ADCY8: variants seen among roughly 807,000 people sequenced by gnomAD.
ADCY8 encodes the protein adenylate cyclase 8.
Under a neutral mutation model 119.7 loss-of-function variants are expected in ADCY8, and 51 were observed. The observed-to-expected ratio is 0.43, with a 90% CI of 0.34 to 0.54. The LOEUF is 0.54. Among genes scored for constraint, ADCY8 ranks in the 20% least tolerant of loss-of-function variants. The pLI is 0.03. For missense variants in ADCY8, 1,383 were observed against 1,598.8 expected (o/e 0.87, Z 2.30); for synonymous variants, 665 against 651.0 (o/e 1.02, Z -0.33).
Position 130,836,348 on chromosome 8 carries a change from G to C in ADCY8, c.2604C>G (p.Ile868Met). 6.2e-7 allele frequency: 1 copy of C among 1,614,014 alleles called. No homozygotes were observed. Among genetic ancestry groups the C allele is most frequent in the Non-Finnish European group, 8.5e-7 (1 of 1,179,924 alleles). Residue 868 changes from isoleucine to methionine, a missense_variant, in exon 12 of 18, where the codon ATC (isoleucine) becomes ATG (methionine). Ile to Met is a conservative substitution (Grantham distance 10). Around this residue, in one of 2 missense-constraint regions of ADCY8, gnomAD observed 928 missense variants for 1,163.5 expected, o/e 0.80. Transcript: ENST00000286355. The stretch of plus-strand genomic sequence containing the variant: ...AGACGGTCTCAGTGAGCAGGGCATA[G>C]ATGGCAATCATGATCAGCAGCACTG... ...KLAVLLIMIA[I>M]YALLTETVYA...
chr8:130,964,928 T>C (rs1388135701), intron 2 of ADCY8, among the ~76,000 whole-genome samples: 2 of 152,240 alleles, frequency 1.3e-5, no homozygotes, highest in Non-Finnish European at 1.5e-5. Flanking sequence ...TGATTAGTGA[T>C]GCTGAGCATT....
chr8:130,965,678 C>A (rs1178342924), intron 2 of ADCY8, among the ~76,000 whole-genome samples: 6 of 151,924 alleles, frequency 3.9e-5, no homozygotes, highest in African/African-American at 1.5e-4. Context: ...TATTTGATTT[C>A]TGATAATCAT....
At chr8:130,800,847 T>C (rs909547510) in intron 14 of ADCY8, among the ~76,000 whole-genome samples, 1 of 152,238 alleles carries the variant, frequency 6.6e-6, no homozygotes, top group Non-Finnish European at 1.5e-5. Flanking sequence ...GCAGATATGA[T>C]GTCTGGTGAG....
intron 15 of ADCY8, among the ~76,000 whole-genome samples, chr8:130,786,029 TCTC>T (rs1034734657): frequency 6.6e-6 from 1 of 152,162 alleles, no homozygotes; most frequent in African/African-American, 2.4e-5. Flanking sequence ...TTTCCTCAAA[TCTC>T]ATCTTTGCAG....
chr8:130,926,013 C>T (rs1820455437), intron 5 of ADCY8, among the ~76,000 whole-genome samples: 1 of 152,180 alleles, frequency 6.6e-6, no homozygotes, highest in Non-Finnish European at 1.5e-5. Flanking sequence ...TGTCACTTCC[C>T]TACTTTAAGA....
intron 7 of ADCY8, among the ~76,000 whole-genome samples, chr8:130,897,034 A>G (rs1486538917): frequency 6.6e-6 from 1 of 152,144 alleles, no homozygotes; most frequent in Admixed American, 6.6e-5. Context: ...TGGTTGCCCA[A>G]GGTCTCTTAG....
At chr8:131,037,756 A>T (rs1437238669) in intron 1 of ADCY8, among the ~76,000 whole-genome samples, 1 of 152,214 alleles carries the variant, frequency 6.6e-6, no homozygotes, top group Non-Finnish European at 1.5e-5. Context: ...AGAGCTTGGA[A>T]GAAAGTAGAT....
intron 2 of ADCY8, among the ~76,000 whole-genome samples, chr8:130,986,184 T>G (rs1169416494): frequency 6.6e-6 from 1 of 152,212 alleles, no homozygotes; most frequent in Non-Finnish European, 1.5e-5. Flanking sequence ...AGATGTATGC[T>G]TAGCCTGTCC....
chr8:130,854,945 C>A (rs895107089), intron 9 of ADCY8, among the ~76,000 whole-genome samples: 1 of 137,026 alleles, frequency 7.3e-6, no homozygotes, highest in Non-Finnish European at 1.5e-5. Context: ...CTCTCTCTTT[C>A]TGTGTCTTTG....
At chr8:130,819,330 C>G (rs1258297223) in intron 13 of ADCY8, among the ~76,000 whole-genome samples, 7 of 152,200 alleles carry the variant, frequency 4.6e-5, no homozygotes, top group Admixed American at 4.6e-4. Flanking sequence ...CCCAGTCACT[C>G]AGACCCTCAC....
intron 1 of ADCY8, among the ~76,000 whole-genome samples, chr8:131,008,653 G>C (rs1050633218): frequency 2.0e-5 from 3 of 152,180 alleles, no homozygotes; most frequent in Non-Finnish European, 4.4e-5. Context: ...GCTGCTATAA[G>C]AGTACTCAAA....
intron 1 of ADCY8, among the ~76,000 whole-genome samples, chr8:131,036,299 G>C (rs1029142360): frequency 6.6e-6 from 1 of 152,106 alleles, no homozygotes; most frequent in African/African-American, 2.4e-5. Flanking sequence ...GCAAAGTAAA[G>C]GATTATTATT....
chr8:130,973,786 A>G (rs935509824), intron 2 of ADCY8, among the ~76,000 whole-genome samples: 2 of 152,204 alleles, frequency 1.3e-5, no homozygotes, highest in African/African-American at 2.4e-5. Context: ...CACCTAGCTT[A>G]CCTCATGTGA....
In ADCY8 at chr8:130,937,196, T is replaced by C; in HGVS notation, c.1358A>G (p.His453Arg). ...CAGGATTTTAATACGAAGGCAGTGATGCTCCTGGAAGGAACAGGATAAGAG... is the reference window on the plus strand; with the variant it reads ...CAGGATTTTAATACGAAGGCAGTGACGCTCCTGGAAGGAACAGGATAAGAG... ...FARFDRLAHE[H>R]HCLRIKILGD... The change falls in exon 5 of 18, where the codon CAT becomes CGT. Residue 453 changes from histidine (H) to arginine (R), a missense_variant. Physicochemically the swap from His to Arg is conservative, Grantham distance 29. This residue lies in a region of ADCY8 where 928 missense variants were observed against 1,163.5 expected (regional missense o/e 0.80). Coordinates refer to ENST00000286355, the MANE Select transcript of ADCY8 (RefSeq NM_001115.3). 6.2e-7 allele frequency: 1 copy of C among 1,613,466 alleles called. No homozygotes were observed. The highest frequency in any genetic ancestry group is 8.5e-7 in the Non-Finnish European group (1 of 1,179,662).
intron 14 of ADCY8, among the ~76,000 whole-genome samples, chr8:130,809,150 T>C (rs1362764998): frequency 6.6e-6 from 1 of 152,180 alleles, no homozygotes; most frequent in African/African-American, 2.4e-5. Context: ...TGTGTTTGGA[T>C]GGTTTGAGTC....
chr8:131,034,637 A>C (rs1166843791), intron 1 of ADCY8, among the ~76,000 whole-genome samples: 1 of 152,110 alleles, frequency 6.6e-6, no homozygotes, highest in Non-Finnish European at 1.5e-5. Context: ...TGACAGCATG[A>C]CCTTGAGCAC....
intron 3 of ADCY8, among the ~76,000 whole-genome samples, chr8:130,945,369 G>T (rs1010307857): frequency 1.2e-4 from 18 of 152,212 alleles, no homozygotes; most frequent in Admixed American, 9.8e-4. Flanking sequence ...TGACTATACT[G>T]CCATTGTCTT....
At chr8:130,876,966 C>G (rs1818591017) in intron 8 of ADCY8, among the ~76,000 whole-genome samples, 1 of 152,150 alleles carries the variant, frequency 6.6e-6, no homozygotes, top group African/African-American at 2.4e-5. Context: ...CCCCACTCTG[C>G]TGCCTTCTAT....
At chr8:130,984,479 G>GTT (rs34093565) in intron 2 of ADCY8, among the ~76,000 whole-genome samples, 4 of 145,218 alleles carry the variant, frequency 2.8e-5, no homozygotes, top group Non-Finnish European at 4.6e-5. Flanking sequence ...AGTTTGTTTA[G>GTT]TTTTTTTTTT....
Sources: allele counts gnomAD v4.1 joint callset (sites outside exome capture counted in the v4.1 genomes callset), GRCh38; gene constraint gnomAD v4.1.1; regional missense constraint gnomAD v4.1.1; transcripts MANE v1.5; gene names NCBI Gene and HGNC (gene_info 2026-07-23, HGNC 2026-07-21).